PLPPR4: variants seen among roughly 807,000 people sequenced by gnomAD.
PLPPR4 encodes phospholipid phosphatase related 4, also known as phospholipid phosphatase-related protein type 4.
PLPPR4 carries 24 observed loss-of-function variants against 56.6 expected under a neutral mutation model. The ratio of observed to expected loss-of-function variants is 0.42; its 90% CI spans 0.31 to 0.60. The LOEUF (loss-of-function observed/expected upper bound fraction) is 0.60, where lower values mean the gene tolerates loss of function less well. Among genes scored for constraint, PLPPR4 ranks in the 20% least tolerant of loss-of-function variants. The pLI is 0.13. For missense variants in PLPPR4, 654 were observed against 885.8 expected (o/e 0.74, Z 3.32); for synonymous variants, 326 against 328.1 (o/e 0.99, Z 0.07).
chr1:99,277,335 G>T (rs2100789402), intron 1 of PLPPR4, among the ~76,000 whole-genome samples: 1 of 152,242 alleles, frequency 6.6e-6, no homozygotes, highest in East Asian at 1.9e-4. Context: ...GGCCACAGTT[G>T]CTTTGGCACC....
chr1:99,276,805 G>A (rs1659196895), intron 1 of PLPPR4, among the ~76,000 whole-genome samples: 1 of 152,026 alleles, frequency 6.6e-6, no homozygotes, highest in Admixed American at 6.6e-5. Context: ...AGAAAAATGG[G>A]TGCCTTTGAA....
At chr1:99,279,596 C>T (rs1012097831) in intron 1 of PLPPR4, among the ~76,000 whole-genome samples, 3 of 152,136 alleles carry the variant, frequency 2.0e-5, no homozygotes, top group Admixed American at 6.6e-5. Flanking sequence ...GGCCATCTCT[C>T]GCCTTGTGTC....
At chr1:99,294,722 A>G (rs1384927321) in intron 2 of PLPPR4, among the ~76,000 whole-genome samples, 1 of 152,006 alleles carries the variant, frequency 6.6e-6, no homozygotes, top group Non-Finnish European at 1.5e-5. Flanking sequence ...AACTCCTGAA[A>G]TCTCAAGGTC....
At chr1:99,269,610 C>A (rs1047471811) in intron 1 of PLPPR4, among the ~76,000 whole-genome samples, 2 of 152,068 alleles carry the variant, frequency 1.3e-5, no homozygotes, top group Admixed American at 1.3e-4. Flanking sequence ...CTTTTTAAGC[C>A]TAAAAAAATA....
intron 2 of PLPPR4, among the ~76,000 whole-genome samples, chr1:99,295,724 T>C (rs983666803): frequency 2.0e-5 from 3 of 152,194 alleles, no homozygotes; most frequent in African/African-American, 7.2e-5. Context: ...CGGCCTAAGG[T>C]AGTTAGCAAA....
rs550548399 is a variant in PLPPR4, at chr1:99,293,028, G to A, written c.265-3710G>A. On this transcript the variant is annotated intron_variant, in intron 2 of 6. Coordinates refer to ENST00000370185, the MANE Select transcript of PLPPR4 (RefSeq NM_014839.5). ...TGGCATAAGCCTGTTCCAAAAATGG[G>A]GTCATGAGAGGGGGTAGGGAGGTAA... Among the ~76,000 whole-genome samples, 15 of 152,238 alleles carry A rather than the reference G, an allele frequency of 9.9e-5. No homozygotes were observed. In the East Asian group the frequency reaches 2.7e-3, roughly 27 times the overall value.
At position 99,308,363 on chromosome 1, in the gene PLPPR4, T is replaced by C. The variant is rs1206845435; in HGVS notation, c.*1353T>C. ...TAGTTTAACATGCAAACAACCATTG[T>C]TGCTACCTATCCTGAATCAAGCCTT... On this transcript the variant is annotated 3_prime_UTR_variant, in exon 7 of 7. Transcript: ENST00000370185. 1 of 152,250 alleles carries C rather than the reference T, an allele frequency of 6.6e-6. No homozygotes were observed. The allele number at this position is 152,250 out of a possible 1,614,324, so 9.4% of individuals were successfully genotyped here.
intron 1 of PLPPR4, among the ~76,000 whole-genome samples, chr1:99,283,443 CT>C (rs1051926514): frequency 7.2e-5 from 11 of 152,252 alleles, no homozygotes; most frequent in African/African-American, 2.2e-4. Context: ...CTAGATTTGT[CT>C]TTTTAAAGTT....
intron 1 of PLPPR4, among the ~76,000 whole-genome samples, chr1:99,268,512 G>A (rs1428310475): frequency 6.6e-6 from 1 of 152,206 alleles, no homozygotes; most frequent in African/African-American, 2.4e-5. Flanking sequence ...TGATGTTAAA[G>A]CACACATTAG....
intron 6 of PLPPR4, among the ~76,000 whole-genome samples, chr1:99,302,327 A>G (rs1269878567): frequency 6.6e-6 from 1 of 151,638 alleles, no homozygotes; most frequent in African/African-American, 2.4e-5. Context: ...CTTTAACACT[A>G]CTCTTTTTTC....
intron 2 of PLPPR4, among the ~76,000 whole-genome samples, chr1:99,290,138 T>C (rs984520650): frequency 8.6e-5 from 13 of 152,038 alleles, no homozygotes; most frequent in African/African-American, 2.7e-4. Context: ...AGCAATCCTA[T>C]ACCCCAACAA....
chr1:99,301,458 G>C (rs1010010279), intron 5 of PLPPR4, among the ~76,000 whole-genome samples: 2 of 151,924 alleles, frequency 1.3e-5, no homozygotes, highest in Non-Finnish European at 2.9e-5. Flanking sequence ...GAAATTATAC[G>C]ACAAGTAACA....
rs771131107 is a variant in PLPPR4 at position 99,264,611 on chromosome 1, G to A, written c.18G>A (p.Arg6=). The change falls in exon 1 of 7, where the codon AGG becomes AGA. Residue 6 remains arginine (R), a synonymous_variant. Transcript: ENST00000370185. MSAKE[R]PKGKVIKDSV... is the part of the protein sequence containing the mutation. Reference sequence around the variant, plus strand: ...CGGCAGGGATGTCGGCGAAGGAGAGGCCAAAGGGCAAAGTGATCAAGGACA... The same window carrying A: ...CGGCAGGGATGTCGGCGAAGGAGAGACCAAAGGGCAAAGTGATCAAGGACA... The A allele has an allele frequency of 9.0e-6, 14 of 1,550,686 alleles. No homozygotes were observed. In the South Asian group the frequency reaches 1.2e-4, roughly 13 times the overall value.
At chr1:99,303,004 G>A (rs1659923729) in intron 6 of PLPPR4, among the ~76,000 whole-genome samples, 1 of 151,926 alleles carries the variant, frequency 6.6e-6, no homozygotes, top group Admixed American at 6.6e-5. Context: ...AATATAAATG[G>A]TTACAACATG....
chr1:99,299,831 C>T (rs1659838537), intron 4 of PLPPR4, among the ~76,000 whole-genome samples: 1 of 151,724 alleles, frequency 6.6e-6, no homozygotes, highest in African/African-American at 2.4e-5. Flanking sequence ...AAGAAATTAC[C>T]AATGCATTAC....
Position 99,308,148 on chromosome 1 carries a change from T to C in PLPPR4, c.*1138T>C, listed in dbSNP as rs1461163610. The C allele has an allele frequency of 1.3e-5, 2 of 152,146 alleles. No individual in the cohort carries two copies. Among genetic ancestry groups the C allele is most frequent in the Non-Finnish European group, 2.9e-5 (2 of 68,022 alleles). The allele number at this position is 152,146 out of a possible 1,614,324, so 9.4% of individuals were successfully genotyped here. ...CCATTCGGTTCTACATTATTAACTTTTTTTTTCTATATCCTGATGACCAGT... is the reference window on the plus strand; with the variant it reads ...CCATTCGGTTCTACATTATTAACTTCTTTTTTCTATATCCTGATGACCAGT... On this transcript the variant is annotated 3_prime_UTR_variant, in exon 7 of 7. Transcript: ENST00000370185.
chr1:99,283,202 G>C (rs1472235687), intron 1 of PLPPR4, among the ~76,000 whole-genome samples: 1 of 151,932 alleles, frequency 6.6e-6, no homozygotes, highest in African/African-American at 2.4e-5. Flanking sequence ...TTGTGACTAT[G>C]GTTTCCACCA....
chr1:99,272,408 A>G (rs1391497159), intron 1 of PLPPR4, among the ~76,000 whole-genome samples: 2 of 152,114 alleles, frequency 1.3e-5, no homozygotes, highest in Non-Finnish European at 2.9e-5. Flanking sequence ...AATTATTACT[A>G]TTTCTAGAAT....
intron 1 of PLPPR4, among the ~76,000 whole-genome samples, chr1:99,279,667 G>C (rs1210723910): frequency 1.3e-5 from 2 of 152,170 alleles, no homozygotes; most frequent in Non-Finnish European, 2.9e-5. Flanking sequence ...CACCAGACTA[G>C]TGCCAGATGG....
Sources: allele counts gnomAD v4.1 joint callset (sites outside exome capture counted in the v4.1 genomes callset), GRCh38; gene constraint gnomAD v4.1.1; transcripts MANE v1.5; gene names NCBI Gene and HGNC (gene_info 2026-07-23, HGNC 2026-07-21).